SEMA3C: variants seen among roughly 807,000 people sequenced by gnomAD.
SEMA3C encodes semaphorin-3C.
A neutral mutation model predicts 89.4 loss-of-function variants in SEMA3C; 47 were observed. The ratio of observed to expected loss-of-function variants is 0.53; its 90% confidence interval spans 0.42 to 0.67. The LOEUF (loss-of-function observed/expected upper bound fraction) is 0.67, where lower values mean the gene tolerates loss of function less well. SEMA3C is among the 30% of genes least tolerant of loss of function. SEMA3C has a pLI of 0.00. For synonymous variants in SEMA3C, 310 were observed against 320.2 expected (o/e 0.97, Z 0.34); for missense variants, 839 against 929.1 (o/e 0.90, Z 1.26).
At chr7:80,789,785 T>A (rs955680707) in intron 11 of SEMA3C, among the ~76,000 whole-genome samples, 1 of 152,214 alleles carries the variant, frequency 6.6e-6, no homozygotes, top group African/African-American at 2.4e-5. Context: ...CCATCTTGTA[T>A]ATGAGATAAC....
rs766716663 is a variant in SEMA3C, at chr7:80,916,833, A to T, written c.-38-14T>A. 1.2e-6 allele frequency: 2 copies of T among 1,605,286 alleles called. No individual in the cohort carries two copies. Among genetic ancestry groups the T allele is most frequent in the Non-Finnish European group, 1.7e-6 (2 of 1,176,556 alleles). On this transcript the variant is annotated splice_polypyrimidine_tract_variant and intron_variant, in intron 1 of 17. Coordinates refer to ENST00000265361, the MANE Select transcript of SEMA3C (RefSeq NM_006379.5). ...AAGGGAAAATACCTTTAAGAGAGAGACAACATGTTTGTTATATCTCATTTC... is the reference window on the plus strand; with the variant it reads ...AAGGGAAAATACCTTTAAGAGAGAGTCAACATGTTTGTTATATCTCATTTC...
At chr7:80,888,406 G>GTGAGC (rs1039081905) in intron 2 of SEMA3C, among the ~76,000 whole-genome samples, 2 of 152,114 alleles carry the variant, frequency 1.3e-5, no homozygotes, top group African/African-American at 2.4e-5. Context: ...AGAGGCTGCA[G>GTGAGC]TGAGCTGAGA....
intron 6 of SEMA3C, among the ~76,000 whole-genome samples, 198 bp downstream of exon 6, chr7:80,810,411 TAA>T (rs1789440019): frequency 6.6e-6 from 1 of 152,164 alleles, no homozygotes; most frequent in African/African-American, 2.4e-5. Flanking sequence ...AAAACTGTCA[TAA>T]GTTACATGCT....
At chr7:80,892,868 T>C (rs1791648834) in intron 2 of SEMA3C, among the ~76,000 whole-genome samples, 1 of 152,174 alleles carries the variant, frequency 6.6e-6, no homozygotes, top group Non-Finnish European at 1.5e-5. Context: ...AATAATCTTT[T>C]CTGGAAAACA....
chr7:80,877,409 A>T (rs1421495053), intron 2 of SEMA3C, among the ~76,000 whole-genome samples: 1 of 152,170 alleles, frequency 6.6e-6, no homozygotes, highest in Non-Finnish European at 1.5e-5. Context: ...TTAACTGCCA[A>T]GCTCTTTGTA....
chr7:80,791,809 A>C lies in SEMA3C; in HGVS notation c.1132-2281T>G, dbSNP rs1788946530. Among the ~76,000 whole-genome samples the C allele has an allele frequency of 1.3e-5, 2 of 152,202 alleles. 1 individual carries two copies. The highest frequency in any genetic ancestry group is 4.1e-4 in the South Asian group (2 of 4,834). ...GTTAAATCCCTGCAACAGCTGTCCA[A>C]CAGTATTAGTGCCTTTGGGCCAATG... On this transcript the variant is annotated intron_variant, in intron 11 of 17. Coordinates refer to ENST00000265361, the MANE Select transcript of SEMA3C (RefSeq NM_006379.5).
At chr7:80,893,072 G>T (rs908629829) in intron 2 of SEMA3C, among the ~76,000 whole-genome samples, 3 of 152,150 alleles carry the variant, frequency 2.0e-5, no homozygotes, top group African/African-American at 7.2e-5. Context: ...AAAGACGAAA[G>T]GTGGAAAATG....
rs2117019765 is a variant in SEMA3C, at chr7:80,745,132, T to C, written c.2018A>G (p.Lys673Arg). The C allele has an allele frequency of 6.2e-7, 1 of 1,614,024 alleles. No homozygotes were observed. Among genetic ancestry groups the C allele is most frequent in the Non-Finnish European group, 8.5e-7 (1 of 1,179,986 alleles). ...DSEMVAVVTD[K>R]WSPWTWASSV... ...GCTGGCCCAGGTCCATGGGGACCATTTGTCCGTCACAACAGCCACCATTTC... is the reference window on the plus strand; with the variant it reads ...GCTGGCCCAGGTCCATGGGGACCATCTGTCCGTCACAACAGCCACCATTTC... The change falls in exon 18 of 18, where the codon AAA becomes AGA. Residue 673 changes from lysine (K) to arginine (R), a missense_variant. Transcript: ENST00000265361.
At chr7:80,788,121 TCTTAAACTGATTGAAGTA>T (rs1250015719) in intron 12 of SEMA3C, among the ~76,000 whole-genome samples, 19 of 152,212 alleles carry the variant, frequency 1.2e-4, no homozygotes, top group African/African-American at 4.6e-4. Flanking sequence ...AGTACCCACA[TCTTAAACTGATTGAAGTA>T]CGAGTGCAAT....
intron 16 of SEMA3C, among the ~76,000 whole-genome samples, chr7:80,750,155 C>G (rs1331791385): frequency 6.6e-6 from 1 of 151,850 alleles, no homozygotes; most frequent in Non-Finnish European, 1.5e-5. Flanking sequence ...AAACAGCACA[C>G]CTGTAGCACC....
intron 12 of SEMA3C, among the ~76,000 whole-genome samples, chr7:80,778,238 G>A (rs1005792814): frequency 6.6e-6 from 1 of 152,044 alleles, no homozygotes; most frequent in South Asian, 2.1e-4. Context: ...TCACATTTTA[G>A]TATTCCTGTT....
intron 2 of SEMA3C, among the ~76,000 whole-genome samples, chr7:80,863,911 A>T (rs1158322975): frequency 7.3e-6 from 1 of 137,282 alleles, no homozygotes; most frequent in Admixed American, 7.3e-5. Context: ...TTACATATAT[A>T]TCACATATAT....
chr7:80,768,355 A>C (rs1302504722), intron 12 of SEMA3C, among the ~76,000 whole-genome samples: 1 of 152,122 alleles, frequency 6.6e-6, no homozygotes, highest in Admixed American at 6.5e-5. Flanking sequence ...CTACTAAAAA[A>C]TACAAAAAAT....
Position 80,802,749 on chromosome 7 carries a change from T to G in SEMA3C, c.832A>C (p.Asn278His). ...GCCTTTAAGAAAGTGGTCCACTTGTTGACAAGGCTACGCAGTCCACCAGTG... is the reference window on the plus strand; with the variant it reads ...GCCTTTAAGAAAGTGGTCCACTTGTGGACAAGGCTACGCAGTCCACCAGTG... The part of the protein sequence containing the change: ...NDTGGLRSLV[N>H]KWTTFLKARL... The change falls in exon 9 of 18, where the codon AAC becomes CAC. Residue 278 changes from asparagine (N) to histidine (H), a missense_variant. Asn to His is a moderately conservative substitution (Grantham distance 68). Transcript: ENST00000265361. 6.2e-7 allele frequency: 1 copy of G among 1,613,440 alleles called. No individual in the cohort carries two copies.
At chr7:80,765,104 G>C (rs778971093) in intron 13 of SEMA3C, 51 bp downstream of exon 13, 1 of 1,255,104 alleles carries the variant, frequency 8.0e-7, no homozygotes, top group Non-Finnish European at 1.1e-6. Flanking sequence ...TAAGATTAAA[G>C]AATTCCACTC....
At chr7:80,755,449 T>A (rs1261302622) in intron 15 of SEMA3C, among the ~76,000 whole-genome samples, 3 of 150,872 alleles carry the variant, frequency 2.0e-5, no homozygotes, top group Non-Finnish European at 2.9e-5. Context: ...TATACAAAAA[T>A]GCTTGTTGGT....
In SEMA3C at chr7:80,789,508, T is replaced by C; in HGVS notation, c.1152A>G (p.Thr384=). Residue 384 remains threonine (T), a synonymous_variant, in exon 12 of 18, where the codon ACA becomes ACG. Coordinates refer to ENST00000265361, the MANE Select transcript of SEMA3C (RefSeq NM_006379.5). ...RPGTCPGGAF[T]PNMRTTKEFP... is the part of the protein sequence containing the mutation. ...ACTCCTTGGTGGTTCGCATATTGGG[T>C]GTAAATGCTCCTCCTGGACACTAGA... The C allele has an allele frequency of 6.2e-7, 1 of 1,612,148 alleles. No homozygotes were observed. Among genetic ancestry groups the C allele is most frequent in the Non-Finnish European group, 8.5e-7 (1 of 1,179,076 alleles).
chr7:80,883,871 A>C (rs1232398798), intron 2 of SEMA3C, among the ~76,000 whole-genome samples: 1 of 152,232 alleles, frequency 6.6e-6, no homozygotes, highest in African/African-American at 2.4e-5. Context: ...ATCATTGCTC[A>C]ACTTTCATTT....
chr7:80,885,271 C>T (rs1227869664), intron 2 of SEMA3C, among the ~76,000 whole-genome samples: 2 of 151,908 alleles, frequency 1.3e-5, no homozygotes, highest in African/African-American at 4.8e-5. Flanking sequence ...CTACATTTTC[C>T]CCCTCTTTTA....
Sources: allele counts gnomAD v4.1 joint callset (sites outside exome capture counted in the v4.1 genomes callset), GRCh38; gene constraint gnomAD v4.1.1; transcripts MANE v1.5; gene names NCBI Gene and HGNC (gene_info 2026-07-23, HGNC 2026-07-21).